Variants in THOP1 observed in about 807,000 individuals in gnomAD.
THOP1 encodes thimet oligopeptidase.
THOP1 carries 49 observed loss-of-function variants against 71.8 expected under a neutral mutation model. The ratio of observed to expected loss-of-function variants is 0.68; its 90% CI spans 0.54 to 0.87. The LOEUF (loss-of-function observed/expected upper bound fraction) is 0.87, where lower values mean the gene tolerates loss of function less well. Ranked by LOEUF, THOP1 falls within the 40% of genes least tolerant of loss-of-function variation. THOP1 has a pLI of 0.00. For synonymous variants in THOP1, 426 were observed against 421.5 expected (o/e 1.01, Z -0.13); for missense variants, 843 against 975.6 (o/e 0.86, Z 1.81).
At chr19:2,793,963 A>T (rs915065515) in intron 2 of THOP1, among the ~76,000 whole-genome samples, 1 of 146,478 alleles carries the variant, frequency 6.8e-6, no homozygotes, top group African/African-American at 2.5e-5. Context: ...GGATCCTGGC[A>T]CTGGAGTCTT....
In THOP1 at chr19:2,807,580, A is replaced by G; in HGVS notation, c.1025A>G (p.Asn342Ser). ...GCCTGGGACATGCGCTACTACATGA[A>G]CCAGGTGGAGGAGACGCGCTACTGC... ...IRAWDMRYYM[N>S]QVEETRYCVD... The change falls in exon 8 of 13, where the codon AAC (asparagine) becomes AGC (serine). Residue 342 changes from asparagine to serine, a missense_variant. Coordinates refer to ENST00000307741, the MANE Select transcript of THOP1 (RefSeq NM_003249.5). The G allele has an allele frequency of 1.9e-6, 3 of 1,612,610 alleles. No homozygotes were observed. Among genetic ancestry groups the G allele is most frequent in the Non-Finnish European group, 2.5e-6 (3 of 1,179,832 alleles).
intron 4 of THOP1, among the ~76,000 whole-genome samples, chr19:2,799,206 G>A (rs943511887): frequency 2.0e-5 from 3 of 152,156 alleles, no homozygotes; most frequent in African/African-American, 7.2e-5. Context: ...TGTACCTGTA[G>A]TCCTAGCTAC....
chr19:2,803,293 C>T (rs187067251), intron 5 of THOP1, among the ~76,000 whole-genome samples: 2 of 152,334 alleles, frequency 1.3e-5, no homozygotes, highest in Admixed American at 6.5e-5. Context: ...CTCTTCTATT[C>T]TGTGTCTGTA....
chr19:2,813,099 C>A lies in THOP1; in HGVS notation c.1909-16C>A. ...CTGGGTCCCCACCCGGCCACAGTGCCCTGTCTCCTCGGCAGGTTGGCATGG... is the reference window on the plus strand; with the variant it reads ...CTGGGTCCCCACCCGGCCACAGTGCACTGTCTCCTCGGCAGGTTGGCATGG... On this transcript the variant is annotated splice_polypyrimidine_tract_variant and intron_variant, in intron 12 of 12. Coordinates refer to ENST00000307741, the MANE Select transcript of THOP1 (RefSeq NM_003249.5). 1 of 1,601,020 alleles carries A rather than the reference C, an allele frequency of 6.2e-7. No individual in the cohort carries two copies. The highest frequency in any genetic ancestry group is 8.5e-7 in the Non-Finnish European group (1 of 1,172,836).
chr19:2,806,786 G>A, intron 6 of THOP1, 131 bp from the exon 7 acceptor site: 1 of 1,500,352 alleles, frequency 6.7e-7, no homozygotes, highest in Non-Finnish European at 9.1e-7. Context: ...TAGTAACACA[G>A]GCCGAGAGGG....
chr19:2,790,711 G>A (rs1410457072), intron 2 of THOP1, 78 bp downstream of exon 2: 17 of 1,338,382 alleles, frequency 1.3e-5, no homozygotes, highest in Admixed American at 6.1e-5. Context: ...AGCCCAGCCC[G>A]TGGAGCCGGT....
rs1916464109 is a variant in THOP1, at chr19:2,811,612, GC to G, written c.1787del (p.Ala596GlufsTer38). ...GTCCGCCCCAGGAACCAACATGCCT[GC>G]AACCTTCGGCCATCTGGCAGGTGGC... ...VPATPGTNMPATFGHLAGGYD... is the reference protein window; with the variant it reads ...VPATPGTNMPXTFGHLAGGYD... On this transcript the variant is annotated frameshift_variant, in exon 12 of 13. Transcript: ENST00000307741. LOFTEE classifies it high-confidence loss of function. 6.2e-7 allele frequency: 1 copy of G among 1,612,900 alleles called. No homozygotes were observed. The highest frequency in any genetic ancestry group is 1.1e-5 in the South Asian group (1 of 91,072).
At chr19:2,791,949 G>T (rs1915893277) in intron 2 of THOP1, among the ~76,000 whole-genome samples, 1 of 152,142 alleles carries the variant, frequency 6.6e-6, no homozygotes, top group South Asian at 2.1e-4. Context: ...CCCCCAGCCA[G>T]GGCCTCTCCA....
chr19:2,800,595 G>C (rs950216544), intron 5 of THOP1, among the ~76,000 whole-genome samples: 1 of 152,236 alleles, frequency 6.6e-6, no homozygotes, highest in East Asian at 1.9e-4. Flanking sequence ...GGAGGCCTCC[G>C]CAGGTGGCTT....
chr19:2,809,163 T>A (rs932078232), intron 9 of THOP1, among the ~76,000 whole-genome samples: 1 of 152,238 alleles, frequency 6.6e-6, no homozygotes, highest in Non-Finnish European at 1.5e-5. Flanking sequence ...CAACTGATCA[T>A]TCCAGAACCT....
At chr19:2,790,779 C>T (rs2144758197) in intron 2 of THOP1, 146 bp downstream of exon 2, 1 of 698,718 alleles carries the variant, frequency 1.4e-6, no homozygotes, top group South Asian at 2.7e-5. Context: ...GGCAGCGCCA[C>T]CTGCTCCCAG....
chr19:2,799,496 C>T (rs374452921), intron 4 of THOP1, among the ~76,000 whole-genome samples, 193 bp from the exon 5 acceptor site: 5 of 152,246 alleles, frequency 3.3e-5, no homozygotes, highest in Non-Finnish European at 5.9e-5. Flanking sequence ...ATCCACACTG[C>T]GCAGCCTCGT....
At position 2,814,004 on chromosome 19, in the gene THOP1, C is replaced by G. The variant is rs946582955; in HGVS notation, c.*728C>G. The G allele has an allele frequency of 2.0e-5, 3 of 152,416 alleles. No individual in the cohort carries two copies. Among genetic ancestry groups the G allele is most frequent in the African/African-American group, 7.2e-5 (3 of 41,462 alleles). The allele number at this position is 152,416 out of a possible 1,614,324, so 9.4% of individuals were successfully genotyped here. On this transcript the variant is annotated 3_prime_UTR_variant, in exon 13 of 13. Coordinates refer to ENST00000307741, the MANE Select transcript of THOP1 (RefSeq NM_003249.5). ...TCCACAGGGGAAGGCCGGGCTCACT[C>G]CAGCTTCCTAGGCAGAGTCTCTGGG...
rs751125356 is a variant in THOP1 at position 2,808,473 on chromosome 19, G to C, written c.1455+29G>C. 9 of 1,538,290 alleles carry C rather than the reference G, an allele frequency of 5.9e-6. No homozygotes were observed. In the Admixed American group the frequency reaches 1.2e-4, roughly 20 times the overall value. ...GGTGCGGGCCCGGGCAGGGGCAGGG[G>C]CAGGGGCAGGGGCAGGGGCTGCCTG... On this transcript the variant is annotated intron_variant, in intron 9 of 12. Coordinates refer to ENST00000307741, the MANE Select transcript of THOP1 (RefSeq NM_003249.5).
intron 12 of THOP1, chr19:2,812,291 C>T (rs1004313452): frequency 5.9e-6 from 9 of 1,535,410 alleles, no homozygotes; most frequent in Non-Finnish European, 5.2e-6. Context: ...CGCCAGAGTC[C>T]CTCACAAGGA....
intron 5 of THOP1, among the ~76,000 whole-genome samples, chr19:2,803,814 G>T (rs1916217559): frequency 6.6e-6 from 1 of 152,060 alleles, no homozygotes; most frequent in Non-Finnish European, 1.5e-5. Context: ...CACACCCACG[G>T]GCTGGCCTCC....
intron 6 of THOP1, chr19:2,806,605 G>A (rs1214622636): frequency 1.0e-5 from 4 of 400,854 alleles, no homozygotes; most frequent in East Asian, 5.3e-5. Flanking sequence ...ACCAAGGCCT[G>A]GACATGGAGG....
intron 2 of THOP1, among the ~76,000 whole-genome samples, chr19:2,792,897 G>T (rs1401095783): frequency 2.0e-5 from 3 of 151,864 alleles, no homozygotes; most frequent in African/African-American, 7.3e-5. Flanking sequence ...CACACTTCAG[G>T]CTGGGTGGCG....
At position 2,805,039 on chromosome 19, in the gene THOP1, A is replaced by C. The variant is rs1454118732; in HGVS notation, c.613A>C (p.Asn205His). The C allele has an allele frequency of 6.2e-7, 1 of 1,612,456 alleles. No individual in the cohort carries two copies. The highest frequency in any genetic ancestry group is 1.1e-5 in the South Asian group (1 of 90,966). ...ELGGLPEDFL[N>H]SLEKMEDGKL... ...AGGAGGGCTCCCCGAGGACTTTCTGAACTCCCTGGAGAAGATGGAGGACGG... is the reference window on the plus strand; with the variant it reads ...AGGAGGGCTCCCCGAGGACTTTCTGCACTCCCTGGAGAAGATGGAGGACGG... Residue 205 changes from asparagine to histidine, a missense_variant, in exon 6 of 13, where the codon AAC becomes CAC. Transcript: ENST00000307741. This position sits in a 1 kb window ranked among gnomAD's most constrained non-coding sequence, Gnocchi z 6.6.
Sources: allele counts gnomAD v4.1 joint callset (sites outside exome capture counted in the v4.1 genomes callset), GRCh38; gene constraint gnomAD v4.1.1; non-coding constraint Gnocchi (gnomAD v3.1); transcripts MANE v1.5; gene names NCBI Gene and HGNC (gene_info 2026-07-23, HGNC 2026-07-21).